The following KCNH7 variants were observed in gnomAD, a reference collection of about 807,000 sequenced individuals.
KCNH7 encodes the protein potassium voltage-gated channel subfamily H member 7.
Under a neutral mutation model 120.8 loss-of-function variants are expected in KCNH7, and 49 were observed. The observed-to-expected ratio is 0.41, with a 90% confidence interval of 0.32 to 0.51. The LOEUF (loss-of-function observed/expected upper bound fraction) is 0.51. Among genes scored for constraint, KCNH7 ranks in the 20% least tolerant of loss-of-function variants. KCNH7 has a pLI of 0.38. For synonymous variants in KCNH7, 547 were observed against 516.1 expected (o/e 1.06, Z -0.81); for missense variants, 1,097 against 1,446.6 (o/e 0.76, Z 3.92).
At chr2:162,633,414 A>G (rs1406997441) in intron 2 of KCNH7, among the ~76,000 whole-genome samples, 4 of 151,980 alleles carry the variant, frequency 2.6e-5, no homozygotes, top group African/African-American at 9.7e-5. Context: ...TTCACAGTTT[A>G]TGGTGTATAA....
At chr2:162,566,650 A>C (rs1055018454) in intron 2 of KCNH7, among the ~76,000 whole-genome samples, 1 of 152,090 alleles carries the variant, frequency 6.6e-6, no homozygotes, top group Admixed American at 6.6e-5. Flanking sequence ...TTAAGTACCC[A>C]GTAAAGACCA....
At chr2:162,635,887 G>A (rs1470510771) in intron 2 of KCNH7, among the ~76,000 whole-genome samples, 2 of 152,004 alleles carry the variant, frequency 1.3e-5, no homozygotes, top group Non-Finnish European at 2.9e-5. Context: ...AGGGATTTTT[G>A]GAAACATCTT....
chr2:162,392,841 T>G (rs1190489374), intron 12 of KCNH7, among the ~76,000 whole-genome samples: 6 of 151,836 alleles, frequency 4.0e-5, no homozygotes, highest in African/African-American at 1.4e-4. Context: ...GCACAGGATG[T>G]CCTTAGAGGG....
intron 13 of KCNH7, among the ~76,000 whole-genome samples, chr2:162,382,559 T>G (rs529776243): frequency 6.6e-6 from 1 of 152,204 alleles, no homozygotes; most frequent in South Asian, 2.1e-4. Flanking sequence ...ACTTTTGACC[T>G]CAATCTTAGT....
At chr2:162,676,062 A>T (rs1464221152) in intron 2 of KCNH7, among the ~76,000 whole-genome samples, 2 of 151,464 alleles carry the variant, frequency 1.3e-5, no homozygotes, top group Non-Finnish European at 3.0e-5. Context: ...GGCAGTGCTG[A>T]ACCTTCCTGT....
intron 2 of KCNH7, among the ~76,000 whole-genome samples, chr2:162,705,508 T>C (rs938513768): frequency 1.3e-5 from 2 of 152,112 alleles, no homozygotes; most frequent in African/African-American, 2.4e-5. Context: ...TTGCCTTATT[T>C]CTCATTTGTT....
chr2:162,657,905 T>C (rs191805183), intron 2 of KCNH7, among the ~76,000 whole-genome samples: 9 of 152,194 alleles, frequency 5.9e-5, no homozygotes, highest in African/African-American at 2.2e-4. Context: ...GCTTTGGTAT[T>C]ACAGACTGGA....
At chr2:162,586,916 CA>C (rs1694039677) in intron 2 of KCNH7, among the ~76,000 whole-genome samples, 1 of 151,918 alleles carries the variant, frequency 6.6e-6, no homozygotes, top group Admixed American at 6.6e-5. Flanking sequence ...TCGTCATGAC[CA>C]AAATTTAGTC....
chr2:162,558,972 G>A (rs949999836), intron 2 of KCNH7, among the ~76,000 whole-genome samples: 8 of 147,356 alleles, frequency 5.4e-5, no homozygotes, highest in African/African-American at 1.5e-4. Flanking sequence ...GGAGAATGGC[G>A]TGAACCCGGG....
intron 2 of KCNH7, among the ~76,000 whole-genome samples, chr2:162,783,120 A>G (rs1434796496): frequency 1.3e-5 from 2 of 152,204 alleles, no homozygotes; most frequent in South Asian, 2.1e-4. Context: ...AGGTAATAAC[A>G]TATCAGAAGC....
intron 2 of KCNH7, among the ~76,000 whole-genome samples, chr2:162,613,437 A>G (rs1683035365): frequency 6.6e-6 from 1 of 152,024 alleles, no homozygotes; most frequent in African/African-American, 2.4e-5. Context: ...AGGCAAATGA[A>G]AAAATTCTAA....
chr2:162,581,048 C>T (rs1312143824), intron 2 of KCNH7, among the ~76,000 whole-genome samples: 3 of 152,008 alleles, frequency 2.0e-5, no homozygotes, highest in Non-Finnish European at 4.4e-5. Flanking sequence ...CAGAGAGAGG[C>T]TATACAGCAA....
intron 7 of KCNH7, among the ~76,000 whole-genome samples, chr2:162,436,808 C>T (rs1573956992): frequency 6.6e-6 from 1 of 152,148 alleles, no homozygotes; most frequent in Admixed American, 6.6e-5. Context: ...ATTAAAAAAG[C>T]TTTTTCATTA....
At chr2:162,588,445 TATACCCC>T (rs1205693879) in intron 2 of KCNH7, among the ~76,000 whole-genome samples, 1 of 152,090 alleles carries the variant, frequency 6.6e-6, no homozygotes, top group Non-Finnish European at 1.5e-5. Context: ...GTCTTTTCCT[TATACCCC>T]CTCAAAAACA....
chr2:162,638,024 T>C (rs1002619491), intron 2 of KCNH7, among the ~76,000 whole-genome samples: 3 of 152,088 alleles, frequency 2.0e-5, no homozygotes, highest in Non-Finnish European at 4.4e-5. Context: ...CCTCACATTT[T>C]ATCGTTCAAT....
intron 2 of KCNH7, among the ~76,000 whole-genome samples, chr2:162,830,835 A>G (rs1246402140): frequency 1.3e-5 from 2 of 152,184 alleles, no homozygotes; most frequent in Non-Finnish European, 2.9e-5. Context: ...GCCAGCCTTC[A>G]CCAGTCCCAG....
At chr2:162,736,868 C>A (rs1351022196) in intron 2 of KCNH7, among the ~76,000 whole-genome samples, 1 of 152,100 alleles carries the variant, frequency 6.6e-6, no homozygotes, top group Admixed American at 6.6e-5. Flanking sequence ...AGCAATTAAA[C>A]CCTTAAAAAA....
chr2:162,622,354 T>C (rs12472629), intron 2 of KCNH7, among the ~76,000 whole-genome samples: 7,454 of 152,284 alleles, frequency 0.049, 356 homozygotes, highest in East Asian at 0.12. Context: ...CTGATCACAA[T>C]GGGATGTACA....
intron 2 of KCNH7, among the ~76,000 whole-genome samples, chr2:162,707,455 C>T (rs1686755207): frequency 6.6e-6 from 1 of 151,966 alleles, no homozygotes; most frequent in Admixed American, 6.6e-5. Flanking sequence ...AAAAAATTAA[C>T]TAAAATAATT....
Sources: allele counts gnomAD v4.1 joint callset (sites outside exome capture counted in the v4.1 genomes callset), GRCh38; gene constraint gnomAD v4.1.1; transcripts MANE v1.5; gene names NCBI Gene and HGNC (gene_info 2026-07-23, HGNC 2026-07-21).